Variants in OR2L13 observed in about 807,000 individuals in gnomAD.
OR2L13 encodes olfactory receptor 2L13.
Under a neutral mutation model 15.3 loss-of-function variants are expected in OR2L13, and 14 were observed. The ratio of observed to expected loss-of-function variants is 0.91; its 90% CI spans 0.60 to 1.43. The LOEUF is 1.43. OR2L13 is among the 40% of genes most tolerant of loss of function. The pLI is 0.00. For missense variants in OR2L13, 367 were observed against 387.9 expected (o/e 0.95, Z 0.45); for synonymous variants, 152 against 142.9 (o/e 1.06, Z -0.45).
At chr1:247,966,030 T>C in the OR2L13 span, 1 of 1,614,082 alleles carries the variant, frequency 6.2e-7, no homozygotes, top group Non-Finnish European at 8.5e-7. Context: ...TGGCTTCCTA[T>C]GCTCGTGTGC....
chr1:248,099,309 T>C, intron 2 of OR2L13, 49 bp from the exon 3 acceptor site: 1 of 1,088,328 alleles, frequency 9.2e-7, no homozygotes, highest in East Asian at 2.4e-5. Context: ...CTATTGTGTT[T>C]TATTTCATGT....
the OR2L13 span, among the ~76,000 whole-genome samples, chr1:248,048,568 G>A: frequency 2.0e-5 from 3 of 152,026 alleles, no homozygotes; most frequent in Non-Finnish European, 4.4e-5. Context: ...AATTCTTACT[G>A]TAGACATGCA....
the OR2L13 span, among the ~76,000 whole-genome samples, chr1:248,027,522 G>A: frequency 3.9e-5 from 6 of 152,178 alleles, no homozygotes; most frequent in South Asian, 8.3e-4. Flanking sequence ...GGGGCACCAC[G>A]GAACCTGCCA....
chr1:248,076,714 G>T, the OR2L13 span, among the ~76,000 whole-genome samples: 1 of 152,208 alleles, frequency 6.6e-6, no homozygotes, highest in Admixed American at 6.6e-5. Flanking sequence ...CTTTGCTGAA[G>T]TTGCTTATCA....
the OR2L13 span, among the ~76,000 whole-genome samples, chr1:247,964,881 A>G: frequency 2.0e-5 from 3 of 148,384 alleles, no homozygotes; most frequent in Non-Finnish European, 3.0e-5. Flanking sequence ...TAGAAATTAC[A>G]TATATTTTTA....
At chr1:248,042,909 C>A in the OR2L13 span, among the ~76,000 whole-genome samples, 1 of 152,114 alleles carries the variant, frequency 6.6e-6, no homozygotes, top group Non-Finnish European at 1.5e-5. Context: ...AAAATAAATT[C>A]ATCGTAATTA....
At chr1:248,061,287 C>T in the OR2L13 span, 1 of 1,606,272 alleles carries the variant, frequency 6.2e-7, no homozygotes, top group Non-Finnish European at 8.5e-7. Flanking sequence ...TTTTGAGCAC[C>T]ACCATCTTTC....
At chr1:248,032,565 A>T in the OR2L13 span, among the ~76,000 whole-genome samples, 1 of 152,056 alleles carries the variant, frequency 6.6e-6, no homozygotes, top group African/African-American at 2.4e-5. Context: ...GTCTCTATAA[A>T]TTTGACTACT....
the OR2L13 span, chr1:248,051,109 A>G: frequency 1.3e-5 from 2 of 152,160 alleles, no homozygotes; most frequent in African/African-American, 2.4e-5. Context: ...CTGTCTCCAA[A>G]ACAATTTCAT....
At chr1:247,971,937 A>G in the OR2L13 span, among the ~76,000 whole-genome samples, 1 of 152,238 alleles carries the variant, frequency 6.6e-6, no homozygotes, top group South Asian at 2.1e-4. Context: ...CCACAGTGCA[A>G]TCAAATTAGA....
chr1:248,028,496 C>A, the OR2L13 span, among the ~76,000 whole-genome samples: 2 of 152,214 alleles, frequency 1.3e-5, no homozygotes, highest in Non-Finnish European at 2.9e-5. Flanking sequence ...ATTTAAAAAT[C>A]TGTTTGACTT....
chr1:247,970,825 G>A, the OR2L13 span, among the ~76,000 whole-genome samples: 3 of 152,234 alleles, frequency 2.0e-5, no homozygotes, highest in African/African-American at 7.2e-5. Flanking sequence ...TTTTATCAAC[G>A]TGGTACATGG....
chr1:247,945,710 T>C, the OR2L13 span, among the ~76,000 whole-genome samples: 1 of 152,188 alleles, frequency 6.6e-6, no homozygotes, highest in African/African-American at 2.4e-5. Flanking sequence ...TTAAAGTGGT[T>C]AGTTCTTCCT....
At chr1:248,075,800 G>T in the OR2L13 span, among the ~76,000 whole-genome samples, 1 of 152,136 alleles carries the variant, frequency 6.6e-6, no homozygotes, top group African/African-American at 2.4e-5. Context: ...CCATTCTGTA[G>T]GTTACCTGTT....
At chr1:247,959,956 C>T in the OR2L13 span, among the ~76,000 whole-genome samples, 1 of 152,158 alleles carries the variant, frequency 6.6e-6, no homozygotes, top group African/African-American at 2.4e-5. Flanking sequence ...AGTCATTCTC[C>T]GTCCAGCTTT....
chr1:248,082,078 A>G, the OR2L13 span, among the ~76,000 whole-genome samples: 2 of 150,688 alleles, frequency 1.3e-5, no homozygotes, highest in East Asian at 2.0e-4. Flanking sequence ...AATAGCAAAG[A>G]CTTGAAACCA....
chr1:248,073,865 A>G, the OR2L13 span, among the ~76,000 whole-genome samples: 2 of 151,922 alleles, frequency 1.3e-5, no homozygotes, highest in African/African-American at 4.8e-5. Context: ...GACTAATATA[A>G]ATATTAACTC....
the OR2L13 span, among the ~76,000 whole-genome samples, chr1:248,051,735 A>AT: frequency 6.6e-6 from 1 of 152,124 alleles, no homozygotes; most frequent in African/African-American, 2.4e-5. Flanking sequence ...AATAAAAAAA[A>AT]ATCCAAAAAT....
At chr1:247,991,326 G>A in the OR2L13 span, 1 of 653,084 alleles carries the variant, frequency 1.5e-6, no homozygotes, top group Non-Finnish European at 2.5e-6. Flanking sequence ...TAAAAGATTT[G>A]TATTTTAATT....
Sources: allele counts gnomAD v4.1 joint callset (sites outside exome capture counted in the v4.1 genomes callset), GRCh38; gene constraint gnomAD v4.1.1; transcripts MANE v1.5; gene names NCBI Gene and HGNC (gene_info 2026-07-23, HGNC 2026-07-21).